RTF1: variants seen among roughly 807,000 people sequenced by gnomAD.
The protein encoded by RTF1 is RNA polymerase-associated protein RTF1 homolog.
In RTF1, 10 loss-of-function variants were observed where a neutral mutation model predicts 95.7. That is an observed-to-expected ratio of 0.10 (90% CI 0.06 to 0.18). RTF1 has a LOEUF of 0.18. RTF1 is among the 10% of genes least tolerant of loss of function. RTF1 has a pLI of 1.00. For synonymous variants in RTF1, 305 were observed against 311.8 expected, an observed-to-expected ratio of 0.98 and a Z score of 0.23; for missense variants, 458 against 875.6, an observed-to-expected ratio of 0.52 and a Z score of 6.02.
At chr15:41,460,121 G>GTTTTT (rs869235078) in intron 4 of RTF1, among the ~76,000 whole-genome samples, 2 of 83,452 alleles carry the variant, frequency 2.4e-5, no homozygotes, top group Non-Finnish European at 5.2e-5. Context: ...TTTTGTTTTT[G>GTTTTT]TTTTTTTTTT....
intron 1 of RTF1, among the ~76,000 whole-genome samples, chr15:41,428,257 C>CT (rs535870983): frequency 0.016 from 1,532 of 95,922 alleles, 362 homozygotes; most frequent in African/African-American, 0.048. Flanking sequence ...ACTGATATCC[C>CT]TTTTTTTTTT....
At position 41,468,526 on chromosome 15, in the gene RTF1, C is replaced by T. The variant is rs577522352; in HGVS notation, c.890-1731C>T. On this transcript the variant is annotated intron_variant, in intron 6 of 17. Transcript: ENST00000389629. Reference sequence around the variant, plus strand: ...TAGAGAAGGGGTTTCACCATGTTAGCCAGGATGGTCTTGATCTCCTGACCT... The same window carrying T: ...TAGAGAAGGGGTTTCACCATGTTAGTCAGGATGGTCTTGATCTCCTGACCT... Among the ~76,000 whole-genome samples, 197 of 152,192 alleles carry T rather than the reference C, an allele frequency of 1.3e-3. 1 individual carries two copies. Among genetic ancestry groups the T allele is most frequent in the South Asian group, 5.6e-3 (27 of 4,814 alleles).
Position 41,476,393 on chromosome 15 carries a change from C to G in RTF1, c.1483-53C>G, listed in dbSNP as rs776919258. 6.4e-5 allele frequency: 96 copies of G among 1,510,132 alleles called. No homozygotes were observed. In the East Asian group the frequency reaches 2.0e-3, roughly 32 times the overall value. 93.5% of individuals were successfully genotyped at this position (1,510,132 alleles called of 1,614,324 possible). ...TCCAAAATGGGCTCACTTAGCCTGT[C>G]TACAAAAATAGCTTAGGAATACCTC... On this transcript the variant is annotated intron_variant, in intron 11 of 17. Coordinates refer to ENST00000389629, the MANE Select transcript of RTF1 (RefSeq NM_015138.5).
chr15:41,450,511 G>C (rs556193000), intron 2 of RTF1, among the ~76,000 whole-genome samples: 2 of 152,162 alleles, frequency 1.3e-5, no homozygotes, highest in East Asian at 1.9e-4. Flanking sequence ...CGTGAACCGG[G>C]GAGGCGGAGC....
chr15:41,472,551 C>A (rs2050918289), intron 8 of RTF1, among the ~76,000 whole-genome samples: 1 of 143,158 alleles, frequency 7.0e-6, no homozygotes, highest in African/African-American at 2.6e-5. Flanking sequence ...CAGAGTCTTA[C>A]CCCGTTGCCC....
chr15:41,420,609 T>C (rs7173571), intron 1 of RTF1, among the ~76,000 whole-genome samples: 101,263 of 151,944 alleles, frequency 0.67, 35,858 homozygotes, highest in African/African-American at 0.9. Context: ...TGGATTGGAA[T>C]GCAGTTCGTA....
intron 2 of RTF1, 95 bp downstream of exon 2, chr15:41,438,526 T>C: frequency 2.7e-6 from 2 of 731,090 alleles, no homozygotes; most frequent in Non-Finnish European, 4.4e-6. Flanking sequence ...AAATGGAGAC[T>C]TACAGCCTAA....
chr15:41,478,098 A>G (rs1198441845), intron 14 of RTF1, among the ~76,000 whole-genome samples: 1 of 147,256 alleles, frequency 6.8e-6, no homozygotes, highest in Non-Finnish European at 1.5e-5. Context: ...GCGAGAATCC[A>G]TTTAAAAAAT....
At chr15:41,417,620 G>A (rs1347565320) in intron 1 of RTF1, among the ~76,000 whole-genome samples, 1 of 152,260 alleles carries the variant, frequency 6.6e-6, no homozygotes, top group Non-Finnish European at 1.5e-5. Flanking sequence ...AGATCGGGGC[G>A]GCGGGCTGTA....
At chr15:41,470,430 G>C (rs781757223) in intron 7 of RTF1, 38 bp downstream of exon 7, 1 of 1,603,250 alleles carries the variant, frequency 6.2e-7, no homozygotes, top group South Asian at 1.1e-5. Flanking sequence ...AGGCAGGATA[G>C]GTGGGTTTTT....
chr15:41,466,568 C>A (rs1173555374), intron 6 of RTF1, among the ~76,000 whole-genome samples: 2 of 152,192 alleles, frequency 1.3e-5, no homozygotes, highest in African/African-American at 2.4e-5. Flanking sequence ...ACCATTATTA[C>A]ACCTAGAAAT....
intron 1 of RTF1, among the ~76,000 whole-genome samples, chr15:41,432,064 G>T (rs1239290938): frequency 6.6e-6 from 1 of 152,046 alleles, no homozygotes; most frequent in Non-Finnish European, 1.5e-5. Flanking sequence ...CTTCCAAAAT[G>T]CTGGGATTAC....
chr15:41,432,501 T>A (rs1314329050), intron 1 of RTF1, among the ~76,000 whole-genome samples: 1 of 150,508 alleles, frequency 6.6e-6, no homozygotes, highest in Non-Finnish European at 1.5e-5. Flanking sequence ...CCGGCCTAGG[T>A]TTTCAGTATG....
At position 41,456,812 on chromosome 15, in the gene RTF1, A is replaced by G. The variant is rs987140268; in HGVS notation, c.458-860A>G. 2.0e-5 allele frequency among the ~76,000 whole-genome samples: 3 copies of G among 150,032 alleles called. No individual in the cohort carries two copies. The East Asian group carries it at 5.9e-4, about 30-fold the overall frequency. ...CTCAAACAAAATAAATAGGCCGAGC[A>G]TGGTGGCTCACACCTGTAATCCCAG... On this transcript the variant is annotated intron_variant, in intron 3 of 17. Transcript: ENST00000389629.
intron 15 of RTF1, 157 bp from the exon 16 acceptor site, chr15:41,478,946 T>G: frequency 2.9e-6 from 1 of 344,456 alleles, no homozygotes; most frequent in South Asian, 4.2e-5. Context: ...TAATTGCCTT[T>G]TTTTTTTTTT....
Position 41,442,127 on chromosome 15 carries a change from A to G in RTF1, c.309+3696A>G, listed in dbSNP as rs1187829125. Among the ~76,000 whole-genome samples, 3 of 151,722 alleles carry G rather than the reference A, an allele frequency of 2.0e-5. No individual in the cohort carries two copies. The East Asian group carries it at 5.8e-4, about 29-fold the overall frequency. ...GGGACTTCTGAGAGATTCTTAGGTT[A>G]TAAAGTTTGAGACAGTGGCTCTTTT... On this transcript the variant is annotated intron_variant, in intron 2 of 17. Transcript: ENST00000389629.
At chr15:41,446,012 A>T (rs1199342983) in intron 2 of RTF1, among the ~76,000 whole-genome samples, 2 of 152,126 alleles carry the variant, frequency 1.3e-5, no homozygotes, top group Admixed American at 1.3e-4. Flanking sequence ...TGCTGATCCC[A>T]GCACAGGTGT....
intron 11 of RTF1, 41 bp downstream of exon 11, chr15:41,475,860 A>G (rs1349454626): frequency 9.9e-7 from 1 of 1,009,520 alleles, no homozygotes; most frequent in East Asian, 2.4e-5. Flanking sequence ...GTTCATCAAG[A>G]ACCAGTGTTG....
chr15:41,458,750 AAAAAAT>A (rs571625071), intron 4 of RTF1, among the ~76,000 whole-genome samples: 1,818 of 151,976 alleles, frequency 0.012, 23 homozygotes, highest in African/African-American at 0.027. Flanking sequence ...CTGTCTCAAT[AAAAAAT>A]AAAAATAAAA....
Sources: allele counts gnomAD v4.1 joint callset (sites outside exome capture counted in the v4.1 genomes callset), GRCh38; gene constraint gnomAD v4.1.1; transcripts MANE v1.5; gene names NCBI Gene and HGNC (gene_info 2026-07-23, HGNC 2026-07-21).